TRPC4AP: variants seen among roughly 807,000 people sequenced by gnomAD.
TRPC4AP encodes the protein short transient receptor potential channel 4-associated protein.
A neutral mutation model predicts 99.0 loss-of-function variants in TRPC4AP; 45 were observed. That is an observed-to-expected ratio of 0.45 (90% CI 0.36 to 0.58). The LOEUF is 0.58. TRPC4AP is among the 20% of genes least tolerant of loss of function. The pLI is 0.00. For synonymous variants in TRPC4AP, 408 were observed against 385.8 expected (o/e 1.06, Z -0.67); for missense variants, 879 against 985.3 (o/e 0.89, Z 1.44).
chr20:35,069,533 A>G (rs556997333), intron 2 of TRPC4AP, 121 bp from the exon 3 acceptor site: 8 of 659,450 alleles, frequency 1.2e-5, no homozygotes, highest in South Asian at 3.8e-5. Context: ...ACAGTCCCCA[A>G]TGAACCACAC....
intron 1 of TRPC4AP, among the ~76,000 whole-genome samples, chr20:35,090,775 T>C (rs927765560): frequency 6.6e-6 from 1 of 152,208 alleles, no homozygotes; most frequent in Non-Finnish European, 1.5e-5. Context: ...AGAACTTCTG[T>C]GGCTCCCTAT....
intron 5 of TRPC4AP, among the ~76,000 whole-genome samples, chr20:35,051,033 T>TAC (rs34091819): frequency 0.054 from 7,759 of 144,906 alleles, 248 homozygotes; most frequent in East Asian, 0.14. Flanking sequence ...TGCTATAGCT[T>TAC]ACACACACAC....
At chr20:35,033,054 G>A (rs1232577178) in intron 8 of TRPC4AP, among the ~76,000 whole-genome samples, 7 of 151,942 alleles carry the variant, frequency 4.6e-5, no homozygotes, top group East Asian at 1.9e-4. Context: ...AAAATTAGCC[G>A]GGTGTGGTGG....
intron 8 of TRPC4AP, among the ~76,000 whole-genome samples, chr20:35,029,310 C>G (rs1189096685): frequency 6.6e-6 from 1 of 152,178 alleles, no homozygotes; most frequent in African/African-American, 2.4e-5. Flanking sequence ...CATGATACAT[C>G]TTTTTCTGTC....
intron 13 of TRPC4AP, 136 bp downstream of exon 13, chr20:35,008,528 A>G: frequency 1.3e-6 from 1 of 747,744 alleles, no homozygotes; most frequent in Non-Finnish European, 2.2e-6. Flanking sequence ...GATGGCAGTC[A>G]AACCACCTCT....
chr20:35,019,464 C>G (rs889189011), intron 9 of TRPC4AP, among the ~76,000 whole-genome samples: 1 of 152,166 alleles, frequency 6.6e-6, no homozygotes, highest in Non-Finnish European at 1.5e-5. Context: ...AATCCTGGCT[C>G]TATCCAGGCC....
chr20:35,030,225 G>C lies in TRPC4AP; in HGVS notation c.1051+4898C>G, dbSNP rs939531170. On this transcript the variant is annotated intron_variant, in intron 8 of 18. Coordinates refer to ENST00000252015, the MANE Select transcript of TRPC4AP (RefSeq NM_015638.3). Reference sequence around the variant, plus strand: ...CACTGCACTTCAGCCTGAGTAACAAGAGCGAAACTCCATATCAAAAAAAAA... The same window carrying C: ...CACTGCACTTCAGCCTGAGTAACAACAGCGAAACTCCATATCAAAAAAAAA... The C allele has an allele frequency of 1.2e-4, 14 of 116,040 alleles. No individual in the cohort carries two copies. The East Asian group carries it at 3.2e-3, about 27-fold the overall frequency. 7.2% of individuals were successfully genotyped at this position (116,040 alleles called of 1,614,324 possible).
chr20:35,044,600 T>A lies in TRPC4AP; in HGVS notation c.770A>T (p.Asp257Val). The change falls in exon 7 of 19, where the codon GAT becomes GTT. Residue 257 changes from aspartate to valine, a missense_variant. By Grantham distance (152) the Asp-to-Val change is radical (BLOSUM62 -3). Around this residue, in one of 3 missense-constraint regions of TRPC4AP, gnomAD observed 603 missense variants for 631.8 expected, o/e 0.95. Coordinates refer to ENST00000252015, the MANE Select transcript of TRPC4AP (RefSeq NM_015638.3). ...CGTGTGCTTGTCATCATTCCCTGTATCCATCTCTGAAATGGTGACAGCCAG... is the reference window on the plus strand; with the variant it reads ...CGTGTGCTTGTCATCATTCCCTGTAACCATCTCTGAAATGGTGACAGCCAG... Reference protein sequence around the residue: ...RILAVTISEMDTGNDDKHTLL... With the variant: ...RILAVTISEMVTGNDDKHTLL... 1 of 1,614,134 alleles carries A rather than the reference T, an allele frequency of 6.2e-7. No individual in the cohort carries two copies. The highest frequency in any genetic ancestry group is 1.7e-5 in the Admixed American group (1 of 60,024).
At chr20:35,045,255 GCA>G (rs1429889247) in intron 6 of TRPC4AP, among the ~76,000 whole-genome samples, 4 of 152,114 alleles carry the variant, frequency 2.6e-5, no homozygotes, top group Admixed American at 1.3e-4. Context: ...TGCTCTGCAT[GCA>G]CAGTGTGAAT....
rs1400172053 is a variant in TRPC4AP at position 35,050,108 on chromosome 20, T to G, written c.529-114A>C. The G allele has an allele frequency of 1.1e-5, 13 of 1,160,646 alleles. No homozygotes were observed. In the East Asian group the frequency reaches 1.8e-4, roughly 16 times the overall value. 71.9% of individuals were successfully genotyped at this position (1,160,646 alleles called of 1,614,324 possible). ...TTTCACCTCTGAAAACTGGCATGAG[T>G]CAACAAAACAGGAATGGCATGGCTT... On this transcript the variant is annotated intron_variant, in intron 5 of 18. Coordinates refer to ENST00000252015, the MANE Select transcript of TRPC4AP (RefSeq NM_015638.3).
intron 8 of TRPC4AP, among the ~76,000 whole-genome samples, chr20:35,034,429 C>A (rs549918172): frequency 6.6e-6 from 1 of 152,110 alleles, no homozygotes; most frequent in Non-Finnish European, 1.5e-5. Flanking sequence ...AGAGCTTCCA[C>A]ACCGTGAGTA....
intron 3 of TRPC4AP, among the ~76,000 whole-genome samples, chr20:35,060,162 T>A (rs935337952): frequency 1.3e-5 from 2 of 152,156 alleles, no homozygotes; most frequent in Non-Finnish European, 2.9e-5. Flanking sequence ...TCCCAACTCA[T>A]TCTTTGAGGC....
rs2082475186 is a variant in TRPC4AP, at chr20:35,004,449, G to C, written c.2049+9C>G. Reference sequence around the variant, plus strand: ...CCTTCCCTGCTGTGTGTCTGCCGGGGCCTCTCACCTGGGTCAGCGTCTGCA... The same window carrying C: ...CCTTCCCTGCTGTGTGTCTGCCGGGCCCTCTCACCTGGGTCAGCGTCTGCA... On this transcript the variant is annotated intron_variant, in intron 17 of 18. Transcript: ENST00000252015. 1 of 1,609,918 alleles carries C rather than the reference G, an allele frequency of 6.2e-7. No homozygotes were observed. The highest frequency in any genetic ancestry group is 1.3e-5 in the African/African-American group (1 of 74,842).
intron 14 of TRPC4AP, 80 bp from the exon 15 acceptor site, chr20:35,006,655 G>A: frequency 6.5e-7 from 1 of 1,541,202 alleles, no homozygotes; most frequent in Non-Finnish European, 8.8e-7. Context: ...ACCATGCATT[G>A]GCTTTGAGCA....
chr20:35,008,710 G>GA lies in TRPC4AP; in HGVS notation c.1548dup (p.Arg517SerfsTer58). ...TCCTTCTTCATGACCTGCAGCAGAC[G>GA]AGTTAATAAGCCCCTCTTCCCATCA... is the stretch of plus-strand genomic sequence containing the variant. On this transcript the variant is annotated frameshift_variant, in exon 13 of 19. Coordinates refer to ENST00000252015, the MANE Select transcript of TRPC4AP (RefSeq NM_015638.3). LOFTEE classifies it high-confidence loss of function. 1.2e-6 allele frequency: 2 copies of GA among 1,614,022 alleles called. No homozygotes were observed. Among genetic ancestry groups the GA allele is most frequent in the Non-Finnish European group, 1.7e-6 (2 of 1,179,964 alleles).
intron 1 of TRPC4AP, among the ~76,000 whole-genome samples, chr20:35,078,805 C>A (rs1420651040): frequency 6.6e-6 from 1 of 152,172 alleles, no homozygotes; most frequent in Non-Finnish European, 1.5e-5. Flanking sequence ...GTGGCTCACA[C>A]CTGTAATCCC....
intron 8 of TRPC4AP, among the ~76,000 whole-genome samples, chr20:35,032,283 C>A (rs6120803): frequency 0.18 from 28,045 of 151,946 alleles, 2,653 homozygotes; most frequent in Middle Eastern, 0.33. Context: ...CCTCAGCCTC[C>A]CAAAGTGCTG....
intron 3 of TRPC4AP, among the ~76,000 whole-genome samples, chr20:35,059,326 G>C (rs959680011): frequency 6.6e-6 from 1 of 152,128 alleles, no homozygotes; most frequent in African/African-American, 2.4e-5. Context: ...AGACGAAATG[G>C]ACACATTCCT....
intron 8 of TRPC4AP, among the ~76,000 whole-genome samples, chr20:35,024,674 TAAAA>T (rs1174571651): frequency 2.6e-5 from 4 of 151,124 alleles, no homozygotes; most frequent in African/African-American, 9.7e-5. Flanking sequence ...TTACAAAAAA[TAAAA>T]AAATTAGCTG....
Sources: allele counts gnomAD v4.1 joint callset (sites outside exome capture counted in the v4.1 genomes callset), GRCh38; gene constraint gnomAD v4.1.1; regional missense constraint gnomAD v4.1.1; transcripts MANE v1.5; gene names NCBI Gene and HGNC (gene_info 2026-07-23, HGNC 2026-07-21).